The following ST6GALNAC3 variants were observed in gnomAD, a reference collection of about 807,000 sequenced individuals.
ST6GALNAC3 encodes the protein ST6 N-acetylgalactosaminide alpha-2,6-sialyltransferase 3.
Under a neutral mutation model 32.7 loss-of-function variants are expected in ST6GALNAC3, and 25 were observed. The ratio of observed to expected loss-of-function variants is 0.76; its 90% CI spans 0.56 to 1.07. ST6GALNAC3 has a LOEUF of 1.07. ST6GALNAC3 is among the 50% of genes least tolerant of loss of function. The pLI, the probability that ST6GALNAC3 is intolerant of heterozygous loss-of-function variation, is 0.00. For synonymous variants in ST6GALNAC3, 129 were observed against 133.1 expected, an observed-to-expected ratio of 0.97 and a Z score of 0.21; for missense variants, 355 against 382.4, an observed-to-expected ratio of 0.93 and a Z score of 0.60.
chr1:76,339,635 G>A (rs959394566), intron 2 of ST6GALNAC3, among the ~76,000 whole-genome samples: 13 of 152,072 alleles, frequency 8.5e-5, no homozygotes, highest in African/African-American at 3.1e-4. Context: ...TAAAATAGGT[G>A]TTGCTCATTT....
intron 2 of ST6GALNAC3, among the ~76,000 whole-genome samples, chr1:76,341,110 C>T (rs764027530): frequency 2.0e-5 from 3 of 151,368 alleles, no homozygotes; most frequent in Non-Finnish European, 4.4e-5. Flanking sequence ...ATACATTGCG[C>T]GATACGGAGA....
intron 1 of ST6GALNAC3, among the ~76,000 whole-genome samples, chr1:76,092,803 G>T (rs548238916): frequency 6.6e-6 from 1 of 152,204 alleles, no homozygotes. Context: ...ATGGTGAGCA[G>T]CAGAGTTGAG....
intron 1 of ST6GALNAC3, among the ~76,000 whole-genome samples, chr1:76,200,470 C>G (rs994676301): frequency 6.6e-6 from 1 of 152,000 alleles, no homozygotes; most frequent in Non-Finnish European, 1.5e-5. Flanking sequence ...TTTGAAAAAC[C>G]CCTGTTTATT....
intron 3 of ST6GALNAC3, among the ~76,000 whole-genome samples, chr1:76,471,049 C>T (rs186048547): frequency 6.6e-6 from 1 of 152,182 alleles, no homozygotes; most frequent in East Asian, 1.9e-4. Context: ...CTAATATTGT[C>T]CTACCCTTCT....
At chr1:76,319,755 A>G (rs1002111191) in intron 2 of ST6GALNAC3, among the ~76,000 whole-genome samples, 1 of 152,214 alleles carries the variant, frequency 6.6e-6, no homozygotes, top group Non-Finnish European at 1.5e-5. Context: ...ATTAAATGTT[A>G]TAGAAAAGGA....
intron 2 of ST6GALNAC3, among the ~76,000 whole-genome samples, chr1:76,350,065 CTG>C (rs1648844465): frequency 6.6e-6 from 1 of 151,684 alleles, no homozygotes; most frequent in Admixed American, 6.6e-5. Flanking sequence ...TGAAAATTGA[CTG>C]TGTATTAGAA....
At chr1:76,556,368 G>T (rs574929831) in intron 3 of ST6GALNAC3, among the ~76,000 whole-genome samples, 2 of 151,768 alleles carry the variant, frequency 1.3e-5, no homozygotes, top group African/African-American at 4.9e-5. Context: ...GTGAAAATAA[G>T]TTTTTTTCTT....
intron 3 of ST6GALNAC3, among the ~76,000 whole-genome samples, chr1:76,603,345 T>A (rs1647321321): frequency 6.6e-6 from 1 of 152,202 alleles, no homozygotes; most frequent in South Asian, 2.1e-4. Flanking sequence ...GGTGGCTAAA[T>A]AAATTGTTAT....
chr1:76,246,590 TG>T (rs1332986175), intron 1 of ST6GALNAC3, among the ~76,000 whole-genome samples: 2 of 149,896 alleles, frequency 1.3e-5, no homozygotes, highest in African/African-American at 5.1e-5. Flanking sequence ...CAGGAGCTCT[TG>T]ATTTGGCTGT....
At chr1:76,164,890 A>T (rs768949064) in intron 1 of ST6GALNAC3, among the ~76,000 whole-genome samples, 1 of 152,232 alleles carries the variant, frequency 6.6e-6, no homozygotes, top group South Asian at 2.1e-4. Context: ...AAAAATGCAG[A>T]TAGTAGTAAT....
chr1:76,448,368 G>T (rs553046768), intron 3 of ST6GALNAC3, among the ~76,000 whole-genome samples: 2 of 152,298 alleles, frequency 1.3e-5, no homozygotes, highest in South Asian at 2.1e-4. Context: ...GAAGGGACTT[G>T]TCTTGTCTCA....
chr1:76,302,160 T>G (rs369953284), intron 1 of ST6GALNAC3, among the ~76,000 whole-genome samples: 2 of 152,084 alleles, frequency 1.3e-5, no homozygotes, highest in African/African-American at 4.8e-5. Context: ...ATACTTATAC[T>G]CAGTACTTCC....
intron 3 of ST6GALNAC3, among the ~76,000 whole-genome samples, chr1:76,455,940 C>T (rs904788577): frequency 6.6e-6 from 1 of 152,158 alleles, no homozygotes; most frequent in Non-Finnish European, 1.5e-5. Flanking sequence ...AATCCAAGCA[C>T]TTTGGGAGGC....
chr1:76,446,012 C>A (rs1317359197), intron 3 of ST6GALNAC3, among the ~76,000 whole-genome samples: 1 of 152,182 alleles, frequency 6.6e-6, no homozygotes, highest in East Asian at 1.9e-4. Context: ...CCTTCTTTTT[C>A]AGTCTTCCCA....
intron 2 of ST6GALNAC3, among the ~76,000 whole-genome samples, chr1:76,380,659 C>T (rs958408675): frequency 7.2e-5 from 11 of 151,994 alleles, no homozygotes; most frequent in African/African-American, 2.2e-4. Flanking sequence ...AATGTGGATG[C>T]GTCTCACAAA....
At chr1:76,322,242 T>TGA (rs1315833518) in intron 2 of ST6GALNAC3, among the ~76,000 whole-genome samples, 2 of 152,218 alleles carry the variant, frequency 1.3e-5, no homozygotes, top group Non-Finnish European at 2.9e-5. Flanking sequence ...CTTCTCAAGC[T>TGA]GATGGCCTGG....
intron 1 of ST6GALNAC3, among the ~76,000 whole-genome samples, chr1:76,192,647 T>TA (rs1653968700): frequency 6.6e-6 from 1 of 152,210 alleles, no homozygotes; most frequent in African/African-American, 2.4e-5. Flanking sequence ...GACAGCTGGT[T>TA]AAAATGCACT....
At chr1:76,527,829 G>T (rs1443136736) in intron 3 of ST6GALNAC3, among the ~76,000 whole-genome samples, 1 of 152,052 alleles carries the variant, frequency 6.6e-6, no homozygotes, top group Non-Finnish European at 1.5e-5. Context: ...ACCTGAAAAG[G>T]CCTTGATTGT....
chr1:76,105,386 A>G (rs1456744591), intron 1 of ST6GALNAC3, among the ~76,000 whole-genome samples: 1 of 152,208 alleles, frequency 6.6e-6, no homozygotes, highest in African/African-American at 2.4e-5. Flanking sequence ...AGATGATTTC[A>G]GTGAGCTATT....
Sources: gnomAD v4.1 joint callset for allele counts (sites outside exome capture counted in the v4.1 genomes callset) on GRCh38, gnomAD v4.1.1 for gene constraint, MANE v1.5 for transcripts, NCBI Gene and HGNC (gene_info 2026-07-23, HGNC 2026-07-21) for gene names.